The following MRE11 variants were observed in gnomAD, a reference collection of about 807,000 sequenced individuals.
MRE11 encodes the protein double-strand break repair protein MRE11.
A neutral mutation model predicts 91.7 loss-of-function variants in MRE11; 62 were observed. That is an observed-to-expected ratio of 0.68 (90% CI 0.55 to 0.84). The LOEUF is 0.84. MRE11 is among the 40% of genes least tolerant of loss of function. The pLI, the probability that MRE11 is intolerant of heterozygous loss-of-function variation, is 0.00. For synonymous variants in MRE11, 273 were observed against 271.4 expected (o/e 1.01, Z -0.06); for missense variants, 796 against 852.9 (o/e 0.93, Z 0.83).
intron 10 of MRE11, among the ~76,000 whole-genome samples, chr11:94,467,398 G>A (rs1946591100): frequency 6.6e-6 from 1 of 152,004 alleles, no homozygotes; most frequent in South Asian, 2.1e-4. Context: ...GTGAAATCAG[G>A]GCACTGGAGA....
At chr11:94,457,658 G>A (rs1946288349) in intron 13 of MRE11, among the ~76,000 whole-genome samples, 1 of 152,004 alleles carries the variant, frequency 6.6e-6, no homozygotes, top group Admixed American at 6.6e-5. Flanking sequence ...AGTATTCTAA[G>A]GATTTTACAT....
chr11:94,510,576 C>T, the MRE11 span, among the ~76,000 whole-genome samples: 1 of 152,096 alleles, frequency 6.6e-6, no homozygotes, highest in African/African-American at 2.4e-5. Flanking sequence ...ATTATATAAA[C>T]CCATATTAGG....
chr11:94,474,184 G>T (rs1335184341), intron 7 of MRE11, among the ~76,000 whole-genome samples: 5 of 152,106 alleles, frequency 3.3e-5, no homozygotes, highest in Admixed American at 1.3e-4. Context: ...TGGAGAAATG[G>T]TTGATTCCAG....
Position 94,492,852 on chromosome 11 carries a change from C to G in MRE11, c.-51G>C. 1.3e-6 allele frequency: 2 copies of G among 1,528,288 alleles called. No individual in the cohort carries two copies. The highest frequency in any genetic ancestry group is 1.1e-5 in the South Asian group (1 of 88,944). The allele number at this position is 1,528,288 out of a possible 1,614,324, so 94.7% of individuals were successfully genotyped here. The stretch of plus-strand genomic sequence containing the variant: ...GGACCAGGTTCTTCTCCAAGAACCC[C>G]TGGGTACTGTACTCAAATGTCAGAA... On this transcript the variant is annotated 5_prime_UTR_variant, in exon 2 of 20. Transcript: ENST00000323929.
chr11:94,503,767 C>T, the MRE11 span, among the ~76,000 whole-genome samples: 1 of 135,440 alleles, frequency 7.4e-6, no homozygotes, highest in Admixed American at 8.5e-5. Context: ...GCTATACTTG[C>T]AGTGAGCCGA....
At chr11:94,510,796 G>GGTGA in the MRE11 span, among the ~76,000 whole-genome samples, 1 of 152,124 alleles carries the variant, frequency 6.6e-6, no homozygotes, top group African/African-American at 2.4e-5. Flanking sequence ...AACATAGCTG[G>GGTGA]GTGAGAATGG....
At chr11:94,434,699 C>T (rs1945555482) in intron 18 of MRE11, among the ~76,000 whole-genome samples, 1 of 152,124 alleles carries the variant, frequency 6.6e-6, no homozygotes, top group Admixed American at 6.5e-5. Flanking sequence ...AGCCCACATT[C>T]CTTGTTCCTT....
intron 14 of MRE11, 149 bp downstream of exon 14, chr11:94,456,127 T>G: frequency 1.5e-6 from 1 of 688,264 alleles, no homozygotes; most frequent in Non-Finnish European, 2.5e-6. Flanking sequence ...TAGGCTGAAC[T>G]GAAATCAACC....
intron 4 of MRE11, among the ~76,000 whole-genome samples, chr11:94,480,101 A>C (rs922054422): frequency 6.6e-6 from 1 of 152,134 alleles, no homozygotes; most frequent in Non-Finnish European, 1.5e-5. Flanking sequence ...GAGGGAAGAA[A>C]ATCCATATAC....
chr11:94,454,731 T>C lies in MRE11; in HGVS notation c.1563+1545A>G, dbSNP rs180876671. 8.5e-5 allele frequency among the ~76,000 whole-genome samples: 13 copies of C among 152,326 alleles called. No individual in the cohort carries two copies. In the East Asian group the frequency reaches 2.5e-3, roughly 29 times the overall value. On this transcript the variant is annotated intron_variant, in intron 14 of 19. Transcript: ENST00000323929. ...CACCTTCCTTGTATAAGACGTTCAC[T>C]CTTAACTCTTTTAAAAGCTTAATGA...
At position 94,461,263 on chromosome 11, in the gene MRE11, G is replaced by A. The variant is rs13447659; in HGVS notation, c.1226-227C>T. Among the ~76,000 whole-genome samples the A allele has an allele frequency of 8.8e-3, 1,347 of 152,260 alleles. 22 individuals carry two copies. Among genetic ancestry groups the A allele is most frequent in the African/African-American group, 0.031 (1,292 of 41,536 alleles). ...CCTCCAGGATAGGTGTCTTGTAGCTGTTCTCACTGGGTGAAGCACAGACTT... is the reference window on the plus strand; with the variant it reads ...CCTCCAGGATAGGTGTCTTGTAGCTATTCTCACTGGGTGAAGCACAGACTT... On this transcript the variant is annotated intron_variant, in intron 11 of 19. Transcript: ENST00000323929.
the MRE11 span, among the ~76,000 whole-genome samples, chr11:94,501,857 GTTAT>G: frequency 1.3e-5 from 2 of 151,862 alleles, no homozygotes; most frequent in Non-Finnish European, 1.5e-5. Context: ...ATCATATGGT[GTTAT>G]TTATTTTGTC....
the MRE11 span, among the ~76,000 whole-genome samples, chr11:94,511,192 T>C: frequency 2.6e-5 from 4 of 152,154 alleles, no homozygotes; most frequent in Non-Finnish European, 5.9e-5. Context: ...TCTATATATA[T>C]AGATAGATAT....
chr11:94,493,075 A>G (rs935179016), intron 1 of MRE11, among the ~76,000 whole-genome samples, 169 bp from the exon 2 acceptor site: 2 of 152,114 alleles, frequency 1.3e-5, no homozygotes, highest in African/African-American at 4.8e-5. Flanking sequence ...CTGAGCATAG[A>G]AAATAATATA....
intron 1 of MRE11, 112 bp from the exon 2 acceptor site, chr11:94,493,018 G>T: frequency 1.8e-6 from 1 of 568,602 alleles, no homozygotes. Flanking sequence ...GGCAAATTTA[G>T]AAGTCTCATT....
chr11:94,481,036 C>T (rs551663220), intron 4 of MRE11, among the ~76,000 whole-genome samples: 8 of 152,184 alleles, frequency 5.3e-5, no homozygotes, highest in South Asian at 4.1e-4. Flanking sequence ...AGGCCGGATG[C>T]GGTGGCTCAC....
chr11:94,490,931 T>A lies in MRE11; in HGVS notation c.55A>T (p.Thr19Ser). ...DENTFKILVA[T>S]DIHLGFMEKD... The stretch of plus-strand genomic sequence containing the variant: ...TCCATAAATCCAAGATGAATATCTG[T>A]TGCAACTAATATTTTAAATGTGTTT... The change falls in exon 3 of 20, where the codon ACA (threonine) becomes TCA (serine). Residue 19 changes from threonine to serine, a missense_variant. Thr to Ser is a moderately conservative substitution (Grantham distance 58). Coordinates refer to ENST00000323929, the MANE Select transcript of MRE11 (RefSeq NM_005591.4). 1 of 1,534,218 alleles carries A rather than the reference T, an allele frequency of 6.5e-7. No individual in the cohort carries two copies. Among genetic ancestry groups the A allele is most frequent in the Non-Finnish European group, 9.0e-7 (1 of 1,108,088 alleles).
At chr11:94,422,313 C>T (rs1037330925) in intron 19 of MRE11, among the ~76,000 whole-genome samples, 8 of 152,140 alleles carry the variant, frequency 5.3e-5, no homozygotes, top group Admixed American at 3.9e-4. Context: ...TTCATGGTTG[C>T]AGACGCGATC....
chr11:94,470,354 G>T, intron 9 of MRE11, 117 bp downstream of exon 9: 1 of 1,046,068 alleles, frequency 9.6e-7, no homozygotes, highest in Non-Finnish European at 1.4e-6. Context: ...GTCCTTACAG[G>T]CTTCATGAGA....
Sources: allele counts gnomAD v4.1 joint callset (sites outside exome capture counted in the v4.1 genomes callset), GRCh38; gene constraint gnomAD v4.1.1; transcripts MANE v1.5; gene names NCBI Gene and HGNC (gene_info 2026-07-23, HGNC 2026-07-21).